The following TIAM2 variants were observed in gnomAD, a reference collection of about 807,000 sequenced individuals.
TIAM2 encodes the protein rho guanine nucleotide exchange factor TIAM2.
In TIAM2, 80 loss-of-function variants were observed where a neutral mutation model predicts 152.9. The ratio of observed to expected loss-of-function variants is 0.52; its 90% CI spans 0.44 to 0.63. TIAM2 has a LOEUF of 0.63. Ranked by LOEUF, TIAM2 falls within the 30% of genes least tolerant of loss-of-function variation. TIAM2 has a pLI of 0.00. For synonymous variants in TIAM2, 804 were observed against 838.0 expected (o/e 0.96, Z 0.70); for missense variants, 1,965 against 2,120.1 (o/e 0.93, Z 1.44).
intron 2 of TIAM2, among the ~76,000 whole-genome samples, chr6:155,093,337 G>A (rs939838071): frequency 6.9e-4 from 105 of 152,200 alleles, no homozygotes; most frequent in Non-Finnish European, 2.1e-4. Flanking sequence ...TCTCCAGACC[G>A]TAGATGGAAG....
intron 9 of TIAM2, among the ~76,000 whole-genome samples, chr6:155,169,809 C>T (rs983048413): frequency 4.6e-5 from 7 of 151,542 alleles, no homozygotes; most frequent in African/African-American, 1.7e-4. Flanking sequence ...TATTTAATTT[C>T]TCCTCCACCA....
chr6:155,202,586 CTTTTT>C (rs34052608), intron 14 of TIAM2, among the ~76,000 whole-genome samples: 1 of 133,984 alleles, frequency 7.5e-6, no homozygotes, highest in Non-Finnish European at 1.6e-5. Flanking sequence ...ACCTGGATAA[CTTTTT>C]TTTTTTTTTT....
intron 2 of TIAM2, among the ~76,000 whole-genome samples, chr6:155,124,109 T>C (rs1268361091): frequency 6.6e-6 from 1 of 152,138 alleles, no homozygotes; most frequent in Non-Finnish European, 1.5e-5. Flanking sequence ...AACCTCTGCC[T>C]CCCGATTCAA....
intron 1 of TIAM2, among the ~76,000 whole-genome samples, chr6:155,021,382 C>G (rs1378026344): frequency 2.6e-5 from 4 of 152,158 alleles, no homozygotes; most frequent in Admixed American, 1.3e-4. Context: ...CTGCCTCAGC[C>G]TCCCGAGTAG....
At chr6:155,171,307 A>C (rs1780581688) in intron 9 of TIAM2, among the ~76,000 whole-genome samples, 1 of 152,246 alleles carries the variant, frequency 6.6e-6, no homozygotes, top group South Asian at 2.1e-4. Flanking sequence ...AGCTTTTCAT[A>C]ACGAACGTCT....
At chr6:155,165,145 C>A (rs1201767980) in intron 8 of TIAM2, 118 bp from the exon 9 acceptor site, 1 of 1,077,672 alleles carries the variant, frequency 9.3e-7, no homozygotes, top group Non-Finnish European at 1.3e-6. Flanking sequence ...TTCAGACATG[C>A]AGGAGCTTTT....
intron 1 of TIAM2, among the ~76,000 whole-genome samples, chr6:155,029,530 G>A (rs1169003832): frequency 3.8e-3 from 85 of 22,438 alleles, no homozygotes; most frequent in Middle Eastern, 0.029. Flanking sequence ...TTATAGTATA[G>A]ATAATAATAT....
intron 1 of TIAM2, among the ~76,000 whole-genome samples, chr6:155,001,511 C>A (rs1192389300): frequency 6.6e-6 from 1 of 152,248 alleles, no homozygotes; most frequent in African/African-American, 2.4e-5. Flanking sequence ...TTACCGCCAG[C>A]AGACATAGGC....
intron 1 of TIAM2, among the ~76,000 whole-genome samples, chr6:155,068,602 G>GCCGC (rs143502212): frequency 7.0e-6 from 1 of 143,260 alleles, no homozygotes; most frequent in Non-Finnish European, 1.5e-5. Flanking sequence ...ACAGGCACCC[G>GCCGC]CCCCCCCATC....
At chr6:155,025,984 C>T (rs560169501) in intron 1 of TIAM2, among the ~76,000 whole-genome samples, 10 of 152,158 alleles carry the variant, frequency 6.6e-5, no homozygotes, top group African/African-American at 1.9e-4. Context: ...ATGGAACACC[C>T]GCTAGTCTAC....
chr6:155,032,605 A>T (rs1384355885), intron 1 of TIAM2, among the ~76,000 whole-genome samples: 1 of 151,916 alleles, frequency 6.6e-6, no homozygotes, highest in Non-Finnish European at 1.5e-5. Context: ...CAGTGGCGTG[A>T]TCTCGGCTCA....
chr6:155,037,230 G>A lies in TIAM2; in HGVS notation c.-209+41738G>A, dbSNP rs557976326. ...TTTTCTCATCTGTAAAATGGGGGCA[G>A]TAAAATACTGACCTCGAATAGAGTT... On this transcript the variant is annotated intron_variant, in intron 1 of 26. Transcript: ENST00000682666. Among the ~76,000 whole-genome samples, 17 of 152,308 alleles carry A rather than the reference G, an allele frequency of 1.1e-4. No individual in the cohort carries two copies. In the South Asian group the frequency reaches 3.5e-3, roughly 32 times the overall value.
At chr6:155,140,315 C>T (rs1371192044) in intron 5 of TIAM2, among the ~76,000 whole-genome samples, 2 of 152,088 alleles carry the variant, frequency 1.3e-5, no homozygotes, top group Non-Finnish European at 2.9e-5. Context: ...AAGGGGTAAA[C>T]ATCTGGGACT....
At chr6:155,025,296 CCA>C (rs1776578502) in intron 1 of TIAM2, among the ~76,000 whole-genome samples, 1 of 151,832 alleles carries the variant, frequency 6.6e-6, no homozygotes, top group African/African-American at 2.4e-5. Flanking sequence ...CGGGTTCACG[CCA>C]TTCTCCTGCC....
At chr6:155,015,863 G>C (rs1778566566) in intron 1 of TIAM2, among the ~76,000 whole-genome samples, 1 of 150,240 alleles carries the variant, frequency 6.7e-6, no homozygotes, top group Non-Finnish European at 1.5e-5. Flanking sequence ...CTTGAACCCA[G>C]GAGGCGGGGG....
chr6:155,245,742 T>A lies in TIAM2; in HGVS notation c.3652+11T>A. 2 of 1,460,834 alleles carry A rather than the reference T, an allele frequency of 1.4e-6. No homozygotes were observed. The highest frequency in any genetic ancestry group is 1.8e-6 in the Non-Finnish European group (2 of 1,081,890). The allele number at this position is 1,460,834 out of a possible 1,614,324, so 90.5% of individuals were successfully genotyped here. A position where few individuals can be genotyped will look rare whatever the true frequency, so the allele number is the denominator to read the frequency against. On this transcript the variant is annotated intron_variant, in intron 19 of 26. Coordinates refer to ENST00000682666, the MANE Select transcript of TIAM2 (RefSeq NM_012454.4). ...AGGTTCTGGAGCGAGGTAAGTTGCTTATGCCTTTTATAGTTTTTTTTTTTT... is the reference window on the plus strand; with the variant it reads ...AGGTTCTGGAGCGAGGTAAGTTGCTAATGCCTTTTATAGTTTTTTTTTTTT...
chr6:155,018,663 TTCCCTCCCCTC>T, intron 1 of TIAM2, among the ~76,000 whole-genome samples: 1 of 5,636 alleles, frequency 1.8e-4, no homozygotes, highest in Non-Finnish European at 3.4e-4. Flanking sequence ...CTCTCTCCCT[TTCCCTCCCCTC>T]CCCTCCCCTT....
rs9397785 is a variant in TIAM2, at chr6:155,156,506, T to G, written c.2029-7909T>G. ...CCCGTCTCTACTAAAAATACAAAAATAATTAGCCAGGTGTCGTGGCGCATA... is the reference window on the plus strand; with the variant it reads ...CCCGTCTCTACTAAAAATACAAAAAGAATTAGCCAGGTGTCGTGGCGCATA... On this transcript the variant is annotated intron_variant, in intron 7 of 26. Transcript: ENST00000682666. The surrounding 1 kb of genome is among the most constrained non-coding windows in gnomAD (Gnocchi z 4.4). 0.74 allele frequency among the ~76,000 whole-genome samples: 112,293 copies of G among 151,766 alleles called. 41,798 individuals carry two copies. Among genetic ancestry groups the G allele is most frequent in the African/African-American group, 0.82 (33,949 of 41,408 alleles).
At position 155,240,744 on chromosome 6, in the gene TIAM2, T is replaced by A. The variant is rs375277174; in HGVS notation, c.3348+35T>A. The A allele has an allele frequency of 8.9e-6, 14 of 1,579,634 alleles. No individual in the cohort carries two copies. The African/African-American group carries it at 1.2e-4, about 14-fold the overall frequency. The stretch of plus-strand genomic sequence containing the variant: ...GAGCTGGCATTTATGCATTCGTGCC[T>A]CTTTGATGATGGCAAGTGGTATGCT... On this transcript the variant is annotated intron_variant, in intron 16 of 26. Transcript: ENST00000682666.
Sources: allele counts gnomAD v4.1 joint callset (sites outside exome capture counted in the v4.1 genomes callset), GRCh38; gene constraint gnomAD v4.1.1; non-coding constraint Gnocchi (gnomAD v3.1); transcripts MANE v1.5; gene names NCBI Gene and HGNC (gene_info 2026-07-23, HGNC 2026-07-21).